The following HACD2 variants were observed in gnomAD, a reference collection of about 807,000 sequenced individuals.
The protein encoded by HACD2 is very-long-chain (3R)-3-hydroxyacyl-CoA dehydratase 2.
In HACD2, 15 loss-of-function variants were observed where a neutral mutation model predicts 31.0. The ratio of observed to expected loss-of-function variants is 0.48; its 90% CI spans 0.32 to 0.75. The LOEUF (loss-of-function observed/expected upper bound fraction) is 0.75, where lower values mean the gene tolerates loss of function less well. Among genes scored for constraint, HACD2 ranks in the 30% least tolerant of loss-of-function variants. The pLI, the probability that HACD2 is intolerant of heterozygous loss-of-function variation, is 0.03. For synonymous variants in HACD2, 115 were observed against 122.2 expected (o/e 0.94, Z 0.39); for missense variants, 283 against 313.0 (o/e 0.90, Z 0.72).
chr3:123,522,432 C>T (rs1371562633), intron 4 of HACD2, among the ~76,000 whole-genome samples: 1 of 151,172 alleles, frequency 6.6e-6, no homozygotes, highest in East Asian at 1.9e-4. Flanking sequence ...TCTTCATACA[C>T]AGTACAAGGA....
chr3:123,566,344 G>T (rs2056791972), intron 3 of HACD2, among the ~76,000 whole-genome samples: 1 of 151,842 alleles, frequency 6.6e-6, no homozygotes, highest in African/African-American at 2.4e-5. Context: ...AAATGCAATG[G>T]TGTGATCGTG....
intron 6 of HACD2, among the ~76,000 whole-genome samples, chr3:123,498,075 A>G (rs1313819811): frequency 1.3e-5 from 2 of 152,142 alleles, no homozygotes; most frequent in Admixed American, 6.5e-5. Flanking sequence ...AACAGTAACA[A>G]CCTGAACCAC....
intron 4 of HACD2, among the ~76,000 whole-genome samples, chr3:123,523,144 C>T (rs2056237942): frequency 6.6e-6 from 1 of 152,174 alleles, no homozygotes. Context: ...CACTGTGACC[C>T]AGCTGGAGGA....
chr3:123,538,550 C>T (rs1428583737), intron 3 of HACD2, among the ~76,000 whole-genome samples: 1 of 152,112 alleles, frequency 6.6e-6, no homozygotes, highest in Non-Finnish European at 1.5e-5. Context: ...ATTTAAGTGA[C>T]AAAACTAAGT....
intron 6 of HACD2, 58 bp from the exon 7 acceptor site, chr3:123,495,028 T>C: frequency 9.4e-7 from 1 of 1,061,210 alleles, no homozygotes; most frequent in Non-Finnish European, 1.4e-6. Context: ...ATGCTCTATT[T>C]AAAGCATATG....
intron 4 of HACD2, among the ~76,000 whole-genome samples, chr3:123,513,653 C>CG (rs1450455129): frequency 6.6e-6 from 1 of 152,186 alleles, no homozygotes; most frequent in African/African-American, 2.4e-5. Flanking sequence ...AAACATCACA[C>CG]GGATGTGGCA....
intron 3 of HACD2, among the ~76,000 whole-genome samples, chr3:123,565,783 T>C (rs1323882513): frequency 6.6e-6 from 1 of 152,172 alleles, no homozygotes; most frequent in Non-Finnish European, 1.5e-5. Context: ...TGGCCAAATA[T>C]ATCCCCCAAT....
Position 123,494,812 on chromosome 3 carries a change from T to C in HACD2, c.*76A>G. 4.4e-6 allele frequency: 4 copies of C among 912,944 alleles called. No individual in the cohort carries two copies. The highest frequency in any genetic ancestry group is 2.1e-4 in the Middle Eastern group (1 of 4,774). The allele number at this position is 912,944 out of a possible 1,614,324, so 56.6% of individuals were successfully genotyped here. On this transcript the variant is annotated 3_prime_UTR_variant, in exon 7 of 7. Transcript: ENST00000383657. ...TCTTACTTATTTTCTATGAAACGTA[T>C]TGGGAACTCAAAAAATCTGCAGCAT...
At chr3:123,534,237 A>G (rs568234363) in intron 3 of HACD2, among the ~76,000 whole-genome samples, 50 of 152,300 alleles carry the variant, frequency 3.3e-4, no homozygotes, top group African/African-American at 1.1e-3. Flanking sequence ...TACCTGACAA[A>G]GACCAGGTTG....
chr3:123,537,828 A>C (rs2056444788), intron 3 of HACD2, among the ~76,000 whole-genome samples: 1 of 152,124 alleles, frequency 6.6e-6, no homozygotes, highest in Non-Finnish European at 1.5e-5. Flanking sequence ...TCCTCTTTAT[A>C]CTTTTCCACA....
rs977588087 is a variant in HACD2, at chr3:123,494,691, G to A, written c.*197C>T. 1 of 597,238 alleles carries A rather than the reference G, an allele frequency of 1.7e-6. No homozygotes were observed. The allele number at this position is 597,238 out of a possible 1,614,324, so 37.0% of individuals were successfully genotyped here. ...GAGCATGCTGAAATGAACTGGCCAGGGTGTTTTATGTAACAACCTTTTTCT... is the reference window on the plus strand; with the variant it reads ...GAGCATGCTGAAATGAACTGGCCAGAGTGTTTTATGTAACAACCTTTTTCT... On this transcript the variant is annotated 3_prime_UTR_variant, in exon 7 of 7. Coordinates refer to ENST00000383657, the MANE Select transcript of HACD2 (RefSeq NM_198402.5).
At chr3:123,511,212 C>T (rs1342668012) in intron 4 of HACD2, among the ~76,000 whole-genome samples, 1 of 152,008 alleles carries the variant, frequency 6.6e-6, no homozygotes. Flanking sequence ...ATGCCAAGCA[C>T]TTTTTAACAT....
At chr3:123,580,853 ATTTT>A (rs60669874) in intron 2 of HACD2, among the ~76,000 whole-genome samples, 9 of 105,300 alleles carry the variant, frequency 8.5e-5, no homozygotes, top group Admixed American at 9.9e-5. Context: ...GAGATAAAGA[ATTTT>A]TTTTTTTTTT....
chr3:123,559,100 T>C (rs756851362), intron 3 of HACD2, among the ~76,000 whole-genome samples: 2 of 152,226 alleles, frequency 1.3e-5, no homozygotes, highest in Admixed American at 6.5e-5. Context: ...CAGACAGTGA[T>C]AGAAAAACAT....
At chr3:123,563,773 T>C (rs2056761446) in intron 3 of HACD2, among the ~76,000 whole-genome samples, 5 of 152,146 alleles carry the variant, frequency 3.3e-5, no homozygotes. Context: ...ACACATTTAT[T>C]TGTGGTAAGA....
At chr3:123,504,334 G>A (rs914001727) in intron 4 of HACD2, among the ~76,000 whole-genome samples, 1 of 152,134 alleles carries the variant, frequency 6.6e-6, no homozygotes, top group Non-Finnish European at 1.5e-5. Flanking sequence ...ATTTTGTACT[G>A]TAAACATCTT....
intron 3 of HACD2, among the ~76,000 whole-genome samples, chr3:123,557,594 G>T (rs1172339795): frequency 2.0e-5 from 3 of 152,120 alleles, no homozygotes; most frequent in Admixed American, 1.3e-4. Context: ...AGCTATGATT[G>T]CTCCACTGCA....
chr3:123,583,472 A>C (rs1430580165), intron 1 of HACD2, among the ~76,000 whole-genome samples: 1 of 152,200 alleles, frequency 6.6e-6, no homozygotes, highest in Non-Finnish European at 1.5e-5. Context: ...ATGTGATATA[A>C]AGCTTGTATC....
chr3:123,547,944 C>T (rs1348646826), intron 3 of HACD2, among the ~76,000 whole-genome samples: 1 of 152,080 alleles, frequency 6.6e-6, no homozygotes, highest in Non-Finnish European at 1.5e-5. Context: ...AGGCAACTCA[C>T]ACTTACTAAA....
Sources: allele counts gnomAD v4.1 joint callset (sites outside exome capture counted in the v4.1 genomes callset), GRCh38; gene constraint gnomAD v4.1.1; transcripts MANE v1.5; gene names NCBI Gene and HGNC (gene_info 2026-07-23, HGNC 2026-07-21).